The following ZNF808 variants were observed in gnomAD, a reference collection of about 807,000 sequenced individuals.
ZNF808 encodes zinc finger protein 808.
Under a neutral mutation model 8.7 loss-of-function variants are expected in ZNF808, and 5 were observed. The ratio of observed to expected loss-of-function variants is 0.58; its 90% CI spans 0.30 to 1.21. ZNF808 has a LOEUF of 1.21. Among genes scored for constraint, ZNF808 ranks in the 50% most tolerant of loss-of-function variants. ZNF808 has a pLI of 0.07. For synonymous variants in ZNF808, 380 were observed against 366.0 expected (o/e 1.04, Z -0.44); for missense variants, 1,103 against 1,098.4 (o/e 1.00, Z -0.06).
At chr19:52,559,111 C>T (rs915300834), downstream of ZNF808, among the ~76,000 whole-genome samples, 2 of 152,156 alleles carry the variant, frequency 1.3e-5, no homozygotes, top group African/African-American at 2.4e-5. Context: ...GCCCAACACC[C>T]GTAAAGGGTC....
downstream of ZNF808, among the ~76,000 whole-genome samples, chr19:52,565,627 A>G (rs1455083985): frequency 6.6e-6 from 1 of 152,290 alleles, no homozygotes; most frequent in East Asian, 1.9e-4. Flanking sequence ...CCTATTTTTT[A>G]TGTAAAAATT....
chr19:52,567,360 A>G (rs1054559144), downstream of ZNF808, among the ~76,000 whole-genome samples: 8 of 151,744 alleles, frequency 5.3e-5, no homozygotes, highest in Non-Finnish European at 1.0e-4. Flanking sequence ...AGAAACTTTA[A>G]GAGAAGGCAG....
intron 4 of ZNF808, 120 bp from the exon 5 acceptor site, chr19:52,552,987 T>G: frequency 7.3e-7 from 1 of 1,378,604 alleles, no homozygotes; most frequent in Non-Finnish European, 9.6e-7. Context: ...GTTCCTAAAC[T>G]TTGAATATCA....
At chr19:52,547,435 T>G in intron 3 of ZNF808, 77 bp from the exon 4 acceptor site, 1 of 1,602,600 alleles carries the variant, frequency 6.2e-7, no homozygotes, top group Non-Finnish European at 8.5e-7. Flanking sequence ...AATACTTATT[T>G]TCCCTTTTCT....
chr19:52,545,780 G>GAA lies in ZNF808; in HGVS notation c.64-1720_64-1719dup, dbSNP rs369042987. On this transcript the variant is annotated intron_variant, in intron 3 of 4. Coordinates refer to ENST00000359798, the MANE Select transcript of ZNF808 (RefSeq NM_001039886.4). ...GTGCAATAGAGTGAGACTCCATCTG[G>GAA]AAAAAAAAAAAAATAAGAAGTATTG... is the stretch of plus-strand genomic sequence containing the variant. 4.0e-3 allele frequency among the ~76,000 whole-genome samples: 584 copies of GAA among 144,956 alleles called. 4 individuals carry two copies. Among genetic ancestry groups the GAA allele is most frequent in the African/African-American group, 0.014 (556 of 39,194 alleles).
chr19:52,555,661 TACA>T lies in ZNF808; in HGVS notation c.*38_*40del, dbSNP rs1268193406. Reference sequence around the variant, plus strand: ...ATTGTCACAAAGTCTTCAGTAACACTACAACAATTGCAAATCATTGGAGAATCC... The same window carrying T: ...ATTGTCACAAAGTCTTCAGTAACACTACAATTGCAAATCATTGGAGAATCC... On this transcript the variant is annotated 3_prime_UTR_variant, in exon 5 of 5. Coordinates refer to ENST00000359798, the MANE Select transcript of ZNF808 (RefSeq NM_001039886.4). 3 of 1,576,776 alleles carry T rather than the reference TACA, an allele frequency of 1.9e-6. No individual in the cohort carries two copies. Among genetic ancestry groups the T allele is most frequent in the Admixed American group, 1.8e-5 (1 of 55,168 alleles).
rs186408891 is a variant in ZNF808 at position 52,564,014 on chromosome 19, G to A, written c.*1119G>A. ...TCTGTCTAAAACAAACAAACAAAAA[G>A]GTCTAGCCCCCTCTCCTCCTTTGTC... On this transcript the variant is annotated 3_prime_UTR_variant and NMD_transcript_variant, in exon 4 of 4. Coordinates refer to the ZNF808 transcript ENST00000487863. The A allele has an allele frequency of 1.5e-4, 70 of 481,528 alleles. No individual in the cohort carries two copies. In the East Asian group the frequency reaches 3.8e-3, roughly 26 times the overall value. 29.8% of individuals were successfully genotyped at this position (481,528 alleles called of 1,614,324 possible). A position where few individuals can be genotyped will look rare whatever the true frequency, so the allele number is the denominator to read the frequency against.
intron 1 of ZNF808, among the ~76,000 whole-genome samples, chr19:52,528,686 G>A (rs185772566): frequency 1.3e-5 from 2 of 152,010 alleles, no homozygotes; most frequent in African/African-American, 4.8e-5. Flanking sequence ...GAGTGGTGCT[G>A]GTGTCAAGGA....
chr19:52,558,571 CATATTGGCCAGG>C (rs1266083557), downstream of ZNF808, among the ~76,000 whole-genome samples: 4 of 147,896 alleles, frequency 2.7e-5, no homozygotes, highest in South Asian at 2.2e-4. Flanking sequence ...AGAGTTTCAC[CATATTGGCCAGG>C]CTGGTCTTGA....
chr19:52,547,719 A>AT, intron 4 of ZNF808, 81 bp downstream of exon 4: 2 of 1,361,182 alleles, frequency 1.5e-6, no homozygotes, highest in Non-Finnish European at 9.7e-7. Context: ...CTCTTTTGTG[A>AT]TTTTGCCCCA....
downstream of ZNF808, among the ~76,000 whole-genome samples, chr19:52,567,829 G>A (rs2059876651): frequency 6.6e-6 from 1 of 152,040 alleles, no homozygotes; most frequent in Admixed American, 6.6e-5. Flanking sequence ...CCGGCCTGAA[G>A]TAGAATATTT....
chr19:52,550,241 T>C (rs1464222740), intron 4 of ZNF808, among the ~76,000 whole-genome samples: 2 of 151,816 alleles, frequency 1.3e-5, no homozygotes, highest in Admixed American at 6.6e-5. Flanking sequence ...TTTTTTTTTT[T>C]GTTTTTGAGA....
At chr19:52,531,902 A>C (rs1484885218) in intron 1 of ZNF808, among the ~76,000 whole-genome samples, 1 of 152,200 alleles carries the variant, frequency 6.6e-6, no homozygotes, top group East Asian at 1.9e-4. Context: ...CTGTGTATTT[A>C]CTTGAACTCA....
At chr19:52,539,073 G>C (rs1397733828) in intron 2 of ZNF808, among the ~76,000 whole-genome samples, 1 of 151,938 alleles carries the variant, frequency 6.6e-6, no homozygotes, top group Non-Finnish European at 1.5e-5. Flanking sequence ...GAGAAGTAGG[G>C]TAAGAAGTGA....
At chr19:52,543,792 T>C (rs1268432098) in intron 3 of ZNF808, among the ~76,000 whole-genome samples, 4 of 152,164 alleles carry the variant, frequency 2.6e-5, no homozygotes, top group African/African-American at 9.7e-5. Context: ...TGTATCTGAT[T>C]TGGTAATGCA....
rs2059795432 is a variant in ZNF808, at chr19:52,553,219, T to C, written c.303T>C (p.Phe101=). 1.9e-6 allele frequency: 3 copies of C among 1,614,096 alleles called. No individual in the cohort carries two copies. Among genetic ancestry groups the C allele is most frequent in the East Asian group, 4.5e-5 (2 of 44,878 alleles). ...ATCAAAGTTATCACATTGGAGACTTTTGCTTCCAGGAAATTGAGAAAGAAA... is the reference window on the plus strand; with the variant it reads ...ATCAAAGTTATCACATTGGAGACTTCTGCTTCCAGGAAATTGAGAAAGAAA... ...QRHQSYHIGD[F]CFQEIEKEIH... is the part of the protein sequence containing the mutation. Residue 101 remains phenylalanine, a synonymous_variant, in exon 5 of 5, where the codon TTT becomes TTC. Coordinates refer to ENST00000359798, the MANE Select transcript of ZNF808 (RefSeq NM_001039886.4).
chr19:52,544,732 C>A (rs1297611242), intron 3 of ZNF808, among the ~76,000 whole-genome samples: 3 of 152,090 alleles, frequency 2.0e-5, no homozygotes, highest in Non-Finnish European at 4.4e-5. Context: ...TGATCCTCCC[C>A]TCTTGGTCTC....
chr19:52,529,712 TTTTAA>T (rs2059542950), intron 1 of ZNF808, among the ~76,000 whole-genome samples: 3 of 151,998 alleles, frequency 2.0e-5, no homozygotes, highest in South Asian at 2.1e-4. Context: ...TACATAATAC[TTTTAA>T]TTTAATTAAT....
chr19:52,530,550 C>A (rs12984196), intron 1 of ZNF808, among the ~76,000 whole-genome samples: 2 of 152,108 alleles, frequency 1.3e-5, no homozygotes, highest in Non-Finnish European at 2.9e-5. Flanking sequence ...GTAATCCCAG[C>A]TACTCAGGAG....
Sources: allele counts gnomAD v4.1 joint callset (sites outside exome capture counted in the v4.1 genomes callset), GRCh38; gene constraint gnomAD v4.1.1; transcripts MANE v1.5; gene names NCBI Gene and HGNC (gene_info 2026-07-23, HGNC 2026-07-21).